Variants in EYS observed in about 807,000 individuals in gnomAD.
The protein encoded by EYS is EGF-like photoreceptor maintenance factor.
In EYS, 250 loss-of-function variants were observed where a neutral mutation model predicts 282.1. That is an observed-to-expected ratio of 0.89 (90% CI 0.80 to 0.98). EYS has a LOEUF of 0.98. Ranked by LOEUF, EYS falls within the 50% of genes least tolerant of loss-of-function variation. The pLI, the probability that EYS is intolerant of heterozygous loss-of-function variation, is 0.00. For missense variants in EYS, 4,016 were observed against 3,709.0 expected (o/e 1.08, Z -2.15); for synonymous variants, 1,355 against 1,282.9 (o/e 1.06, Z -1.20).
intron 12 of EYS, among the ~76,000 whole-genome samples, chr6:65,177,347 G>A (rs1765250476): frequency 6.6e-6 from 1 of 151,662 alleles, no homozygotes; most frequent in South Asian, 2.1e-4. Context: ...ATAGTTCATG[G>A]CATATACCCT....
intron 35 of EYS, among the ~76,000 whole-genome samples, chr6:63,873,537 C>T (rs1296602824): frequency 1.3e-5 from 2 of 152,134 alleles, no homozygotes; most frequent in African/African-American, 4.8e-5. Context: ...ATCGTTGGGT[C>T]AAATGGGATT....
intron 11 of EYS, among the ~76,000 whole-genome samples, chr6:65,306,600 C>G (rs189677851): frequency 6.6e-6 from 1 of 151,518 alleles, no homozygotes; most frequent in Non-Finnish European, 1.5e-5. Context: ...ATTATTTGAA[C>G]CATTTGCCCT....
chr6:65,255,283 A>C (rs1767430807), intron 12 of EYS, among the ~76,000 whole-genome samples: 2 of 152,014 alleles, frequency 1.3e-5, no homozygotes, highest in Non-Finnish European at 2.9e-5. Flanking sequence ...GGGAAAGAAC[A>C]GTATCTTCAA....
chr6:65,618,396 G>A (rs1294064392), intron 2 of EYS, among the ~76,000 whole-genome samples: 17 of 152,178 alleles, frequency 1.1e-4, no homozygotes, highest in African/African-American at 2.9e-4. Flanking sequence ...TTTTCGATGG[G>A]GCTGTTTGTT....
chr6:65,137,780 G>A (rs1776064789), intron 12 of EYS, among the ~76,000 whole-genome samples: 2 of 152,012 alleles, frequency 1.3e-5, no homozygotes, highest in South Asian at 2.1e-4. Context: ...AGATATTTAA[G>A]AGGAACAAGT....
intron 22 of EYS, among the ~76,000 whole-genome samples, chr6:64,792,150 T>C (rs1583163119): frequency 6.6e-6 from 1 of 152,034 alleles, no homozygotes; most frequent in East Asian, 1.9e-4. Flanking sequence ...TCATCCATTA[T>C]GGTATGATGT....
At chr6:64,938,162 TC>T (rs1211163057) in intron 15 of EYS, among the ~76,000 whole-genome samples, 1 of 151,538 alleles carries the variant, frequency 6.6e-6, no homozygotes, top group Non-Finnish European at 1.5e-5. Context: ...TGGTATGAGT[TC>T]CTTTGGAATA....
chr6:64,004,277 T>G (rs762527425), intron 33 of EYS, among the ~76,000 whole-genome samples: 1 of 152,082 alleles, frequency 6.6e-6, no homozygotes, highest in Non-Finnish European at 1.5e-5. Context: ...ATTCTCAAGG[T>G]TTTGAATATA....
chr6:64,439,331 T>G lies in EYS; in HGVS notation c.5666A>C (p.Tyr1889Ser). The stretch of plus-strand genomic sequence containing the variant: ...CTGAAATTCTAGATAAGAATCTCCA[T>G]AATAACGAACACAACTGAAATCTGT... ...MISDFSCVRYYGDSYLEFQNV... is the reference protein window; with the variant it reads ...MISDFSCVRYSGDSYLEFQNV... Residue 1889 changes from tyrosine (Y) to serine (S), a missense_variant, in exon 27 of 43, where the codon TAT (tyrosine) becomes TCT (serine). Physicochemically the swap from Tyr to Ser is moderately radical, Grantham distance 144. Coordinates refer to ENST00000503581, the MANE Select transcript of EYS (RefSeq NM_001142800.2). The G allele has an allele frequency of 6.6e-7, 1 of 1,508,182 alleles. No individual in the cohort carries two copies. The highest frequency in any genetic ancestry group is 8.8e-7 in the Non-Finnish European group (1 of 1,131,562). 93.4% of individuals were successfully genotyped at this position (1,508,182 alleles called of 1,614,324 possible). A position where few individuals can be genotyped will look rare whatever the true frequency, so the allele number is the denominator to read the frequency against.
intron 31 of EYS, among the ~76,000 whole-genome samples, chr6:64,098,544 T>C (rs946784385): frequency 1.3e-5 from 2 of 151,880 alleles, no homozygotes; most frequent in African/African-American, 4.8e-5. Flanking sequence ...TGTTTATTCC[T>C]GAGGAGGTGG....
chr6:64,559,271 ATGTGTGTG>A lies in EYS; in HGVS notation c.5644+30944_5644+30951del, dbSNP rs4034160. ...CTTCTTTGTATGTGTGTGTGTGTGC[ATGTGTGTG>A]TGTGTGTGTGTGTGTGTGTGTGTGT... On this transcript the variant is annotated intron_variant, in intron 26 of 42. Coordinates refer to ENST00000503581, the MANE Select transcript of EYS (RefSeq NM_001142800.2). Among the ~76,000 whole-genome samples the A allele has an allele frequency of 1.5e-4, 21 of 142,314 alleles. 1 individual carries two copies. In the East Asian group the frequency reaches 2.9e-3, roughly 20 times the overall value. The allele number at this position is 142,314 out of a possible 152,430, so 93.4% of individuals were successfully genotyped here. A position where few individuals can be genotyped will look rare whatever the true frequency, so the allele number is the denominator to read the frequency against.
chr6:64,158,791 C>T (rs921015382), intron 31 of EYS, among the ~76,000 whole-genome samples: 1 of 147,984 alleles, frequency 6.8e-6, no homozygotes, highest in Non-Finnish European at 1.5e-5. Context: ...ACTCGCTAAC[C>T]ACAAACAAAA....
At chr6:64,174,387 C>T (rs1764564932) in intron 31 of EYS, among the ~76,000 whole-genome samples, 1 of 151,954 alleles carries the variant, frequency 6.6e-6, no homozygotes, top group African/African-American at 2.4e-5. Context: ...TTAAATATCA[C>T]AATCGTATTA....
intron 13 of EYS, among the ~76,000 whole-genome samples, chr6:65,056,073 T>C (rs1434741794): frequency 6.6e-6 from 1 of 152,084 alleles, no homozygotes; most frequent in African/African-American, 2.4e-5. Context: ...CATTTATTCA[T>C]TCAACCATAC....
intron 5 of EYS, among the ~76,000 whole-genome samples, chr6:65,471,393 T>A (rs1323101335): frequency 6.6e-6 from 1 of 151,934 alleles, no homozygotes. Context: ...GAGACCCTGT[T>A]TTAAAAACAA....
intron 29 of EYS, among the ~76,000 whole-genome samples, chr6:64,320,392 A>G (rs1312070930): frequency 6.6e-6 from 1 of 151,692 alleles, no homozygotes; most frequent in African/African-American, 2.4e-5. Context: ...ACCATTTTAT[A>G]TCTTTCTTTC....
At chr6:64,577,127 T>C (rs572656075) in intron 26 of EYS, among the ~76,000 whole-genome samples, 127 of 152,220 alleles carry the variant, frequency 8.3e-4, no homozygotes, top group Non-Finnish European at 1.5e-3. Flanking sequence ...TGTAGGTTTC[T>C]GAGGAAGCAT....
Position 64,436,265 on chromosome 6 carries a change from A to T in EYS, c.5836T>A (p.Tyr1946Asn). The change falls in exon 28 of 43, where the codon TAC becomes AAC. Residue 1946 changes from tyrosine (Y) to asparagine (N), a missense_variant and splice_region_variant. Tyr to Asn is a moderately radical substitution (Grantham distance 143). Coordinates refer to ENST00000503581, the MANE Select transcript of EYS (RefSeq NM_001142800.2). ...QLFIENGTLK[Y>N]HFYCPGEAKF... is the part of the protein sequence containing the mutation. ...GCTTCACCAGGACAGTAAAAGTGGT[A>T]CTGTTGGGGGAAAAAATTTTGTCCT... 1 of 1,531,266 alleles carries T rather than the reference A, an allele frequency of 6.5e-7. No individual in the cohort carries two copies. Among genetic ancestry groups the T allele is most frequent in the Non-Finnish European group, 8.8e-7 (1 of 1,134,034 alleles). 94.9% of individuals were successfully genotyped at this position (1,531,266 alleles called of 1,614,324 possible). A position where few individuals can be genotyped will look rare whatever the true frequency, so the allele number is the denominator to read the frequency against.
chr6:63,748,835 C>G (rs1308447808), intron 41 of EYS, among the ~76,000 whole-genome samples: 3 of 151,654 alleles, frequency 2.0e-5, no homozygotes, highest in Non-Finnish European at 4.4e-5. Context: ...TGGTAATATC[C>G]CCCTTGTTAT....
Sources: allele counts gnomAD v4.1 joint callset (sites outside exome capture counted in the v4.1 genomes callset), GRCh38; gene constraint gnomAD v4.1.1; transcripts MANE v1.5; gene names NCBI Gene and HGNC (gene_info 2026-07-23, HGNC 2026-07-21).